The following METTL6 variants were observed in gnomAD, a reference collection of about 807,000 sequenced individuals.
METTL6 encodes tRNA N(3)-cytidine methyltransferase METTL6.
A neutral mutation model predicts 26.4 loss-of-function variants in METTL6; 22 were observed. That is an observed-to-expected ratio of 0.83 (90% CI 0.59 to 1.19). The LOEUF is 1.19. Among genes scored for constraint, METTL6 ranks in the 50% most tolerant of loss-of-function variants. METTL6 has a pLI of 0.00. For missense variants in METTL6, 304 were observed against 324.8 expected (o/e 0.94, Z 0.49); for synonymous variants, 109 against 116.2 (o/e 0.94, Z 0.40).
In METTL6 at chr3:15,414,181, C is replaced by T; in HGVS notation, c.532-19G>A. 6.3e-7 allele frequency: 1 copy of T among 1,590,464 alleles called. No homozygotes were observed. Among genetic ancestry groups the T allele is most frequent in the Non-Finnish European group, 8.5e-7 (1 of 1,171,922 alleles). On this transcript the variant is annotated intron_variant, in intron 4 of 5. Coordinates refer to ENST00000383790, the MANE Select transcript of METTL6 (RefSeq NM_152396.4). ...TTAATACCTATGAAACAAAAGCAGG[C>T]TGAACATGACTTTGGAGAACCCTGT...
intron 3 of METTL6, among the ~76,000 whole-genome samples, chr3:15,421,041 T>C (rs896097707): frequency 7.9e-5 from 12 of 152,188 alleles, no homozygotes; most frequent in African/African-American, 2.9e-4. Flanking sequence ...GTCCTGTACT[T>C]AGTCACTGGA....
Position 15,410,917 on chromosome 3 carries a change from G to C in METTL6, c.*339C>G, listed in dbSNP as rs143211227. 418 of 188,106 alleles carry C rather than the reference G, an allele frequency of 2.2e-3. 2 individuals carry two copies. Among genetic ancestry groups the C allele is most frequent in the Non-Finnish European group, 2.9e-3 (267 of 91,674 alleles). 11.7% of individuals were successfully genotyped at this position (188,106 alleles called of 1,614,324 possible). A position where few individuals can be genotyped will look rare whatever the true frequency, so the allele number is the denominator to read the frequency against. ...AGTGATTTTATTTATTTATGAAACAGGGTCTCACTCTGTCGCCCAGGCTGG... is the reference window on the plus strand; with the variant it reads ...AGTGATTTTATTTATTTATGAAACACGGTCTCACTCTGTCGCCCAGGCTGG... On this transcript the variant is annotated 3_prime_UTR_variant, in exon 6 of 6. Transcript: ENST00000383790.
Position 15,414,027 on chromosome 3 carries a change from T to TA in METTL6, c.666dup (p.Thr223TyrfsTer2), listed in dbSNP as rs758927238. 9 of 1,613,612 alleles carry TA rather than the reference T, an allele frequency of 5.6e-6. No individual in the cohort carries two copies. Among genetic ancestry groups the TA allele is most frequent in the Non-Finnish European group, 7.6e-6 (9 of 1,179,902 alleles). On this transcript the variant is annotated frameshift_variant, in exon 5 of 6. Coordinates refer to ENST00000383790, the MANE Select transcript of METTL6 (RefSeq NM_152396.4). LOFTEE classifies it high-confidence loss of function. ...TGGATTCCATTCATCTTACCATCAG[T>TA]AAAAAAATATGATCTGGTCCCATCT... is the stretch of plus-strand genomic sequence containing the variant.
chr3:15,402,456 G>A (rs1473041582), intron 6 of METTL6, among the ~76,000 whole-genome samples: 2 of 152,068 alleles, frequency 1.3e-5, no homozygotes, highest in African/African-American at 2.4e-5. Context: ...AAACCTGGCC[G>A]GGCATGGTGG....
chr3:15,392,196 T>C (rs1699368539), intron 6 of METTL6, among the ~76,000 whole-genome samples: 1 of 152,192 alleles, frequency 6.6e-6, no homozygotes, highest in African/African-American at 2.4e-5. Context: ...CCATTCTAAC[T>C]GGTGTGAGAT....
intron 6 of METTL6, among the ~76,000 whole-genome samples, chr3:15,402,583 A>T (rs1288122140): frequency 1.3e-5 from 2 of 151,880 alleles, no homozygotes; most frequent in South Asian, 2.1e-4. Flanking sequence ...AAAATACAAA[A>T]ATTAAGCAGG....
At chr3:15,393,939 G>A (rs1190887137) in intron 6 of METTL6, among the ~76,000 whole-genome samples, 2 of 152,180 alleles carry the variant, frequency 1.3e-5, no homozygotes, top group Admixed American at 1.3e-4. Flanking sequence ...GTTCATCAGG[G>A]ATATTGGTCT....
chr3:15,427,560 C>T (rs887551073), upstream of METTL6: 8 of 553,634 alleles, frequency 1.4e-5, no homozygotes, highest in African/African-American at 2.0e-5. Flanking sequence ...AGTTCCTACC[C>T]GACGCCGGAA....
intron 3 of METTL6, among the ~76,000 whole-genome samples, chr3:15,416,185 C>A (rs1575425427): frequency 1.3e-5 from 2 of 152,178 alleles, no homozygotes; most frequent in South Asian, 4.1e-4. Context: ...GTATCACGTA[C>A]TCAAAACTGA....
At chr3:15,394,865 C>T (rs1196781766) in intron 6 of METTL6, among the ~76,000 whole-genome samples, 1 of 152,180 alleles carries the variant, frequency 6.6e-6, no homozygotes, top group South Asian at 2.1e-4. Flanking sequence ...GTCTGAGAGA[C>T]AGTTTGTTAT....
intron 6 of METTL6, among the ~76,000 whole-genome samples, chr3:15,404,491 C>T (rs1164870651): frequency 6.7e-6 from 1 of 149,642 alleles, no homozygotes; most frequent in Admixed American, 6.8e-5. Context: ...TACAGATGCG[C>T]ACCATCATGC....
chr3:15,406,843 T>G (rs6763905), downstream of METTL6, among the ~76,000 whole-genome samples: 10,715 of 151,740 alleles, frequency 0.071, 485 homozygotes, highest in African/African-American at 0.12. Flanking sequence ...TTGGCCAAGC[T>G]AGTCTCGAAC....
At chr3:15,389,055 G>A (rs754834744) in intron 6 of METTL6, among the ~76,000 whole-genome samples, 1 of 151,800 alleles carries the variant, frequency 6.6e-6, no homozygotes, top group Non-Finnish European at 1.5e-5. Flanking sequence ...GGAGTCTCAC[G>A]GTGTTGCCCA....
At chr3:15,385,729 G>C (rs1039281730) in intron 6 of METTL6, among the ~76,000 whole-genome samples, 12 of 152,178 alleles carry the variant, frequency 7.9e-5, no homozygotes, top group African/African-American at 2.9e-4. Context: ...AAATCCACTT[G>C]TAAGTGCTGC....
At chr3:15,420,177 G>A (rs2061579435) in intron 3 of METTL6, among the ~76,000 whole-genome samples, 1 of 152,078 alleles carries the variant, frequency 6.6e-6, no homozygotes, top group Non-Finnish European at 1.5e-5. Flanking sequence ...GTTAAAGTAT[G>A]CTATATCCAT....
chr3:15,384,240 T>C (rs1167680170), intron 6 of METTL6: 3 of 305,176 alleles, frequency 9.8e-6, no homozygotes, highest in African/African-American at 2.4e-5. Context: ...TAAAAACCAA[T>C]AAATAAAATG....
At chr3:15,393,873 T>G (rs1459703286) in intron 6 of METTL6, among the ~76,000 whole-genome samples, 1 of 152,238 alleles carries the variant, frequency 6.6e-6, no homozygotes, top group East Asian at 1.9e-4. Context: ...GATAAGCTTT[T>G]TGATATGCTG....
intron 3 of METTL6, among the ~76,000 whole-genome samples, chr3:15,417,132 G>A (rs1463865286): frequency 1.3e-5 from 2 of 152,154 alleles, no homozygotes; most frequent in Non-Finnish European, 2.9e-5. Flanking sequence ...GCCACTGCAA[G>A]CTAGCCTGGA....
chr3:15,402,893 T>C (rs2124936145), intron 6 of METTL6, among the ~76,000 whole-genome samples: 1 of 152,296 alleles, frequency 6.6e-6, no homozygotes, highest in South Asian at 2.1e-4. Context: ...AAAAAGACAC[T>C]CTGGCACCAG....
Sources: gnomAD v4.1 joint callset for allele counts (sites outside exome capture counted in the v4.1 genomes callset) on GRCh38, gnomAD v4.1.1 for gene constraint, MANE v1.5 for transcripts, NCBI Gene and HGNC (gene_info 2026-07-23, HGNC 2026-07-21) for gene names.